Variants in JARID2 observed in about 807,000 individuals in gnomAD.
The protein encoded by JARID2 is jumonji and AT-rich interaction domain containing 2.
Under a neutral mutation model 125.6 loss-of-function variants are expected in JARID2, and 21 were observed. That is an observed-to-expected ratio of 0.17 (90% confidence interval 0.12 to 0.24). The LOEUF (loss-of-function observed/expected upper bound fraction) is 0.24, where lower values mean the gene tolerates loss of function less well. Among genes scored for constraint, JARID2 ranks in the 10% least tolerant of loss-of-function variants. JARID2 has a pLI of 1.00. For synonymous variants in JARID2, 736 were observed against 661.6 expected (o/e 1.11, Z -1.73); for missense variants, 1,303 against 1,639.6 (o/e 0.79, Z 3.55).
intron 1 of JARID2, among the ~76,000 whole-genome samples, chr6:15,286,876 C>T (rs891627098): frequency 3.4e-5 from 5 of 147,056 alleles, no homozygotes; most frequent in Admixed American, 1.4e-4. Flanking sequence ...AAAAAAAAAG[C>T]GCCTCTTAAT....
At chr6:15,398,729 A>G (rs1419995786) in intron 2 of JARID2, among the ~76,000 whole-genome samples, 1 of 152,196 alleles carries the variant, frequency 6.6e-6, no homozygotes, top group Non-Finnish European at 1.5e-5. Flanking sequence ...ATTGACTAGA[A>G]TAGGAGGAAG....
chr6:15,309,322 G>A (rs181144140), intron 1 of JARID2, among the ~76,000 whole-genome samples: 1 of 151,818 alleles, frequency 6.6e-6, no homozygotes, highest in East Asian at 1.9e-4. Flanking sequence ...TTTAAAAATC[G>A]ACATTCCATG....
intron 2 of JARID2, among the ~76,000 whole-genome samples, chr6:15,378,160 T>C (rs1381224076): frequency 3.9e-5 from 6 of 152,094 alleles, no homozygotes; most frequent in Non-Finnish European, 7.4e-5. Context: ...GTGCTGGGAT[T>C]ACAGGGGTGA....
intron 2 of JARID2, chr6:15,400,945 C>CT (rs1366518278): frequency 3.1e-6 from 4 of 1,289,536 alleles, no homozygotes; most frequent in Non-Finnish European, 4.0e-6. Flanking sequence ...TGATCCGGCT[C>CT]TGAGGATGGC....
At chr6:15,398,396 C>T (rs1249414371) in intron 2 of JARID2, among the ~76,000 whole-genome samples, 1 of 152,186 alleles carries the variant, frequency 6.6e-6, no homozygotes, top group Admixed American at 6.5e-5. Context: ...TCTTTCTTGT[C>T]TTTAAATATT....
intron 1 of JARID2, among the ~76,000 whole-genome samples, chr6:15,294,606 G>T (rs919186096): frequency 6.6e-6 from 1 of 152,206 alleles, no homozygotes; most frequent in Non-Finnish European, 1.5e-5. Context: ...GCAGTGTTGT[G>T]TGTGCGTGTG....
At chr6:15,430,250 T>C (rs747807813) in intron 3 of JARID2, among the ~76,000 whole-genome samples, 8 of 152,258 alleles carry the variant, frequency 5.3e-5, no homozygotes, top group Non-Finnish European at 1.2e-4. Context: ...TTCTTTATCT[T>C]CCTGGAGTTT....
intron 3 of JARID2, among the ~76,000 whole-genome samples, chr6:15,437,642 A>T (rs72836327): frequency 0.097 from 14,365 of 148,534 alleles, 806 homozygotes; most frequent in South Asian, 0.16. Flanking sequence ...AGCAACAGGG[A>T]AAAAAAAAAC....
At chr6:15,329,271 G>A (rs1762629704) in intron 1 of JARID2, among the ~76,000 whole-genome samples, 1 of 151,712 alleles carries the variant, frequency 6.6e-6, no homozygotes, top group South Asian at 2.1e-4. Flanking sequence ...ACTCTGGCCT[G>A]GGATTCTTCT....
chr6:15,465,806 GTTTGTTTGTTTT>G (rs1269796857), intron 4 of JARID2, among the ~76,000 whole-genome samples: 1 of 149,380 alleles, frequency 6.7e-6, no homozygotes, highest in African/African-American at 2.5e-5. Context: ...TTGTTTGTTT[GTTTGTTTGTTTT>G]TTTGAGACGG....
intron 3 of JARID2, among the ~76,000 whole-genome samples, chr6:15,441,698 A>T (rs1767452157): frequency 6.6e-6 from 1 of 152,160 alleles, no homozygotes; most frequent in African/African-American, 2.4e-5. Context: ...CACCTACCGC[A>T]CAACTCCATC....
intron 7 of JARID2, among the ~76,000 whole-genome samples, chr6:15,498,971 C>T (rs145281511): frequency 4.9e-4 from 74 of 152,288 alleles, no homozygotes; most frequent in African/African-American, 1.7e-3. Context: ...GATGGAGCCT[C>T]GAGAGCACAC....
intron 6 of JARID2, among the ~76,000 whole-genome samples, chr6:15,489,768 C>T (rs1035837856): frequency 1.3e-5 from 2 of 152,306 alleles, no homozygotes; most frequent in South Asian, 2.1e-4. Context: ...CAGCTGCTTC[C>T]GGGGCTCAGG....
At chr6:15,397,326 G>T (rs1423666462) in intron 2 of JARID2, among the ~76,000 whole-genome samples, 2 of 152,136 alleles carry the variant, frequency 1.3e-5, no homozygotes, top group Non-Finnish European at 2.9e-5. Context: ...CATGGCTGAT[G>T]CTGTATGATC....
At chr6:15,397,366 T>C (rs1259485950) in intron 2 of JARID2, among the ~76,000 whole-genome samples, 2 of 152,218 alleles carry the variant, frequency 1.3e-5, no homozygotes, top group African/African-American at 4.8e-5. Context: ...TGAAATTCTC[T>C]GGCACCATAA....
At chr6:15,309,223 G>T (rs1232744167) in intron 1 of JARID2, among the ~76,000 whole-genome samples, 1 of 151,986 alleles carries the variant, frequency 6.6e-6, no homozygotes, top group Non-Finnish European at 1.5e-5. Context: ...ATCATCTTTG[G>T]GCTTAAAAAT....
In JARID2 at chr6:15,278,543, G is replaced by A. The variant is rs377708422; in HGVS notation, c.45+31959G>A. Among the ~76,000 whole-genome samples, 96 of 151,808 alleles carry A rather than the reference G, an allele frequency of 6.3e-4. 1 individual carries two copies. Among genetic ancestry groups the A allele is most frequent in the South Asian group, 5.4e-3 (26 of 4,800 alleles). ...GGAGCTTGCAGTGAGCCGAGATCGC[G>A]CCACTGCACTCCAGCCTGGGCAACA... On this transcript the variant is annotated intron_variant, in intron 1 of 17. Transcript: ENST00000341776.
chr6:15,478,168 T>G (rs1177281559), intron 5 of JARID2, among the ~76,000 whole-genome samples: 1 of 152,238 alleles, frequency 6.6e-6, no homozygotes, highest in African/African-American at 2.4e-5. Flanking sequence ...CGTAACTCTT[T>G]CTGTGACAGG....
In JARID2 at chr6:15,497,176, T is replaced by A. The variant is rs1770485838; in HGVS notation, c.1945+6T>A. On this transcript the variant is annotated splice_donor_region_variant and intron_variant, in intron 7 of 17. Transcript: ENST00000341776. ...GGACGAGCTCCCGCTCATAGGTAGG[T>A]CTGGGCGGGGGGTCAGGGGGTGGTG... The A allele has an allele frequency of 6.5e-7, 1 of 1,538,802 alleles. No homozygotes were observed. Among genetic ancestry groups the A allele is most frequent in the East Asian group, 2.5e-5 (1 of 40,714 alleles).
Sources: gnomAD v4.1 joint callset for allele counts (sites outside exome capture counted in the v4.1 genomes callset) on GRCh38, gnomAD v4.1.1 for gene constraint, MANE v1.5 for transcripts, NCBI Gene and HGNC (gene_info 2026-07-23, HGNC 2026-07-21) for gene names.